Variants in FER observed in about 807,000 individuals in gnomAD.
The protein encoded by FER is FER tyrosine kinase, also known as tyrosine-protein kinase Fer.
Under a neutral mutation model 111.0 loss-of-function variants are expected in FER, and 63 were observed. That is an observed-to-expected ratio of 0.57 (90% CI 0.46 to 0.70). The LOEUF is 0.70. Among genes scored for constraint, FER ranks in the 30% least tolerant of loss-of-function variants. FER has a pLI of 0.00. For missense variants in FER, 914 were observed against 954.0 expected (o/e 0.96, Z 0.55); for synonymous variants, 327 against 313.9 (o/e 1.04, Z -0.44).
At chr5:108,758,875 C>T (rs770587023) in intron 1 of FER, among the ~76,000 whole-genome samples, 6 of 152,154 alleles carry the variant, frequency 3.9e-5, no homozygotes, top group African/African-American at 1.4e-4. Context: ...AGTCCTCTAG[C>T]GTGCATACAT....
intron 1 of FER, chr5:108,748,923 G>T (rs1750080362): frequency 6.5e-6 from 1 of 153,446 alleles, no homozygotes; most frequent in African/African-American, 2.4e-5. Context: ...CCTATTGGCT[G>T]TGGCAGCCCC....
At chr5:108,902,808 G>A (rs1750226115) in intron 10 of FER, among the ~76,000 whole-genome samples, 2 of 152,036 alleles carry the variant, frequency 1.3e-5, no homozygotes, top group African/African-American at 4.8e-5. Context: ...TCTGCCTTCT[G>A]GAGCAAATTA....
In FER at chr5:108,906,078, G is replaced by A. The variant is rs140650690; in HGVS notation, c.1236+8230G>A. Among the ~76,000 whole-genome samples the A allele has an allele frequency of 6.8e-3, 1,030 of 152,142 alleles. 11 individuals carry two copies. The highest frequency in any genetic ancestry group is 0.011 in the Non-Finnish European group (722 of 67,970). Reference sequence around the variant, plus strand: ...AGTGCAGGGTATAAGCCAAGTTATGGGACTTTTTCTGTCCCCATTTCCCAG... The same window carrying A: ...AGTGCAGGGTATAAGCCAAGTTATGAGACTTTTTCTGTCCCCATTTCCCAG... On this transcript the variant is annotated intron_variant, in intron 10 of 19. Coordinates refer to ENST00000281092, the MANE Select transcript of FER (RefSeq NM_005246.4).
chr5:109,009,852 C>G (rs1288927627), intron 13 of FER, among the ~76,000 whole-genome samples: 1 of 152,054 alleles, frequency 6.6e-6, no homozygotes, highest in Admixed American at 6.6e-5. Context: ...TCTTTTAAGC[C>G]CAGGTTTAAC....
At chr5:108,986,263 T>C (rs2149734824) in intron 13 of FER, among the ~76,000 whole-genome samples, 1 of 151,870 alleles carries the variant, frequency 6.6e-6, no homozygotes, top group East Asian at 1.9e-4. Context: ...TTCATGTCGT[T>C]AGCCCACTTT....
intron 17 of FER, among the ~76,000 whole-genome samples, chr5:109,122,434 G>A (rs530181285): frequency 2.6e-4 from 39 of 151,842 alleles, no homozygotes; most frequent in African/African-American, 8.5e-4. Flanking sequence ...CAGAGAAGAT[G>A]TACTTTATTT....
At chr5:109,076,999 C>T (rs150335504) in intron 16 of FER, among the ~76,000 whole-genome samples, 1 of 152,318 alleles carries the variant, frequency 6.6e-6, no homozygotes, top group East Asian at 1.9e-4. Flanking sequence ...CAGAGAGCCT[C>T]TGAATCAGGC....
At chr5:108,942,646 C>T (rs1355511424) in intron 10 of FER, among the ~76,000 whole-genome samples, 1 of 152,064 alleles carries the variant, frequency 6.6e-6, no homozygotes, top group African/African-American at 2.4e-5. Context: ...TTTCATTGTG[C>T]CCAGCAAATC....
At chr5:109,053,691 ATTTTTT>A (rs544623578) in intron 16 of FER, among the ~76,000 whole-genome samples, 1 of 119,402 alleles carries the variant, frequency 8.4e-6, no homozygotes, top group African/African-American at 3.3e-5. Context: ...GTGGAGTTCT[ATTTTTT>A]TTTTTTTTTT....
chr5:108,858,854 T>A (rs547241762), intron 5 of FER, among the ~76,000 whole-genome samples: 18 of 151,892 alleles, frequency 1.2e-4, no homozygotes, highest in African/African-American at 4.3e-4. Context: ...ATTTTAAGAT[T>A]ATTTAAGCCC....
At chr5:109,106,074 C>G (rs895770016) in intron 17 of FER, among the ~76,000 whole-genome samples, 14 of 152,276 alleles carry the variant, frequency 9.2e-5, no homozygotes, top group African/African-American at 3.4e-4. Context: ...GGTTCTAAGG[C>G]CACACACTGA....
At chr5:108,940,834 G>C (rs1221730894) in intron 10 of FER, among the ~76,000 whole-genome samples, 1 of 152,020 alleles carries the variant, frequency 6.6e-6, no homozygotes. Context: ...GTGGGCGTGG[G>C]GAGGAGTTCA....
At chr5:109,019,404 T>C (rs1232870336) in intron 13 of FER, among the ~76,000 whole-genome samples, 1 of 151,806 alleles carries the variant, frequency 6.6e-6, no homozygotes, top group Non-Finnish European at 1.5e-5. Flanking sequence ...AATGCAAAAG[T>C]ATCATTGTTA....
At chr5:108,959,423 A>C in intron 13 of FER, 76 bp downstream of exon 13, 2 of 1,473,582 alleles carry the variant, frequency 1.4e-6, no homozygotes, top group Non-Finnish European at 9.1e-7. Flanking sequence ...ACAGTAAATA[A>C]AATTCTTAGG....
At position 108,808,814 on chromosome 5, in the gene FER, G is replaced by A. The variant is rs575346033; in HGVS notation, c.207+10425G>A. On this transcript the variant is annotated intron_variant, in intron 3 of 19. Coordinates refer to ENST00000281092, the MANE Select transcript of FER (RefSeq NM_005246.4). ...GAATTCTGTTAGCACTTGCTTGTCC[G>A]GAAAATGTTTTATTCCTCCTTCACT... Among the ~76,000 whole-genome samples, 10 of 152,198 alleles carry A rather than the reference G, an allele frequency of 6.6e-5. No homozygotes were observed. The South Asian group carries it at 1.9e-3, about 28-fold the overall frequency.
chr5:109,081,243 G>A (rs746841826), intron 16 of FER, among the ~76,000 whole-genome samples: 3 of 152,064 alleles, frequency 2.0e-5, no homozygotes, highest in Admixed American at 6.6e-5. Context: ...AATCTTAAAC[G>A]AATATAGAAT....
At position 109,014,092 on chromosome 5, in the gene FER, T is replaced by A. The variant is rs1766694286; in HGVS notation, c.1657-23330T>A. The stretch of plus-strand genomic sequence containing the variant: ...GCAGAAGCTCTTTAGTTTAATTAGA[T>A]CCCATTTGTCAATTTTGGCTTTTGT... On this transcript the variant is annotated intron_variant, in intron 13 of 19. Transcript: ENST00000281092. 1.3e-5 allele frequency among the ~76,000 whole-genome samples: 2 copies of A among 150,878 alleles called. 1 individual carries two copies. Among genetic ancestry groups the A allele is most frequent in the South Asian group, 4.2e-4 (2 of 4,728 alleles).
chr5:108,925,762 A>T (rs1753651970), intron 10 of FER, among the ~76,000 whole-genome samples: 1 of 152,110 alleles, frequency 6.6e-6, no homozygotes. Context: ...TGTTCCAAAT[A>T]TGTGTCTTAT....
Position 109,145,521 on chromosome 5 carries a change from G to A in FER, c.2049-35226G>A, listed in dbSNP as rs567416555. On this transcript the variant is annotated intron_variant, in intron 17 of 19. Coordinates refer to ENST00000281092, the MANE Select transcript of FER (RefSeq NM_005246.4). ...TAAATAATTTGCTCCCCCAACCCCC[G>A]CAACTTTTCTCCCCTCTGTTTAAAT... is the stretch of plus-strand genomic sequence containing the variant. Among the ~76,000 whole-genome samples, 15 of 151,606 alleles carry A rather than the reference G, an allele frequency of 9.9e-5. No homozygotes were observed. In the East Asian group the frequency reaches 1.2e-3, roughly 12 times the overall value.
Sources: gnomAD v4.1 joint callset for allele counts (sites outside exome capture counted in the v4.1 genomes callset) on GRCh38, gnomAD v4.1.1 for gene constraint, MANE v1.5 for transcripts, NCBI Gene and HGNC (gene_info 2026-07-23, HGNC 2026-07-21) for gene names.